SCAMP1: variants seen among roughly 807,000 people sequenced by gnomAD.
SCAMP1 encodes secretory carrier membrane protein 1.
In SCAMP1, 15 loss-of-function variants were observed where a neutral mutation model predicts 41.8. That is an observed-to-expected ratio of 0.36 (90% CI 0.24 to 0.55). The LOEUF is 0.55. SCAMP1 is among the 20% of genes least tolerant of loss of function. The pLI, the probability that SCAMP1 is intolerant of heterozygous loss-of-function variation, is 0.86. For missense variants in SCAMP1, 341 were observed against 412.6 expected (o/e 0.83, Z 1.50); for synonymous variants, 135 against 136.8 (o/e 0.99, Z 0.09).
intron 2 of SCAMP1, among the ~76,000 whole-genome samples, chr5:78,413,755 G>A (rs1752140666): frequency 6.6e-6 from 1 of 152,140 alleles, no homozygotes; most frequent in Non-Finnish European, 1.5e-5. Flanking sequence ...AGAATCAGCT[G>A]AACTACAGTT....
At chr5:78,465,371 T>C (rs1753719885) in intron 8 of SCAMP1, among the ~76,000 whole-genome samples, 1 of 152,226 alleles carries the variant, frequency 6.6e-6, no homozygotes, top group Admixed American at 6.5e-5. Flanking sequence ...GACAGACTTC[T>C]GTAACCACTC....
rs150237993 is a variant in SCAMP1, at chr5:78,368,384, C to T, written c.57+7656C>T. Among the ~76,000 whole-genome samples the T allele has an allele frequency of 1.4e-4, 22 of 152,210 alleles. 1 individual carries two copies. Among genetic ancestry groups the T allele is most frequent in the South Asian group, 6.2e-4 (3 of 4,824 alleles). On this transcript the variant is annotated intron_variant, in intron 1 of 8. Transcript: ENST00000621999. ...GAGATGATGGTGATTATGAAAATTT[C>T]GAAAGTAAACTGTTCTTGTGCTGAT...
In SCAMP1 at chr5:78,479,301, G is replaced by A. The variant is rs1754076986; in HGVS notation, c.*3633G>A. ...ATTGGTTAATTTTAAAAAAATTGAG[G>A]ATGGTTAAAAAATAGAAAACACCTT... is the stretch of plus-strand genomic sequence containing the variant. On this transcript the variant is annotated 3_prime_UTR_variant, in exon 9 of 9. Coordinates refer to ENST00000621999, the MANE Select transcript of SCAMP1 (RefSeq NM_004866.6). Among the ~76,000 whole-genome samples the A allele has an allele frequency of 6.6e-6, 1 of 152,104 alleles. No individual in the cohort carries two copies. The highest frequency in any genetic ancestry group is 2.4e-5 in the African/African-American group (1 of 41,412).
chr5:78,451,714 G>A (rs564053693), intron 7 of SCAMP1, among the ~76,000 whole-genome samples: 18 of 152,150 alleles, frequency 1.2e-4, no homozygotes, highest in Non-Finnish European at 2.4e-4. Flanking sequence ...CTGGAGTGCC[G>A]TGGCATGATC....
At chr5:78,405,289 C>G (rs114797227) in intron 2 of SCAMP1, among the ~76,000 whole-genome samples, 135 of 152,224 alleles carry the variant, frequency 8.9e-4, no homozygotes, top group African/African-American at 3.0e-3. Flanking sequence ...AGCCTTTAAT[C>G]TGATCCCTAA....
rs1010773152 is a variant in SCAMP1, at chr5:78,479,222, G to A, written c.*3554G>A. Among the ~76,000 whole-genome samples the A allele has an allele frequency of 6.6e-6, 1 of 152,102 alleles. No individual in the cohort carries two copies. The highest frequency in any genetic ancestry group is 1.5e-5 in the Non-Finnish European group (1 of 67,994). ...CTTTCAGTTTTTCCTTAAGGAAAATGTTTAGAGGAATTTGTTCATTTCATG... is the reference window on the plus strand; with the variant it reads ...CTTTCAGTTTTTCCTTAAGGAAAATATTTAGAGGAATTTGTTCATTTCATG... On this transcript the variant is annotated 3_prime_UTR_variant, in exon 9 of 9. Transcript: ENST00000621999.
intron 1 of SCAMP1, among the ~76,000 whole-genome samples, chr5:78,382,776 G>GGTGTGTGTGT (rs61523492): frequency 5.6e-4 from 73 of 130,340 alleles, no homozygotes; most frequent in South Asian, 3.1e-3. Context: ...AGTATTCCAT[G>GGTGTGTGTGT]GTGTGTGTGT....
intron 6 of SCAMP1, among the ~76,000 whole-genome samples, chr5:78,442,094 A>T (rs1486544402): frequency 1.3e-5 from 2 of 152,142 alleles, no homozygotes; most frequent in Non-Finnish European, 2.9e-5. Flanking sequence ...ATGCTGCTGC[A>T]CTCTAGACTG....
intron 1 of SCAMP1, among the ~76,000 whole-genome samples, chr5:78,363,192 A>G (rs1001023365): frequency 7.4e-6 from 1 of 134,926 alleles, no homozygotes; most frequent in African/African-American, 2.8e-5. Flanking sequence ...GCGTTCAAGC[A>G]GATCGTTTTT....
intron 6 of SCAMP1, among the ~76,000 whole-genome samples, chr5:78,434,840 A>T (rs1451645196): frequency 1.3e-5 from 2 of 152,248 alleles, no homozygotes; most frequent in East Asian, 3.8e-4. Context: ...TTTGAGGTTT[A>T]TAATAAGTAT....
At chr5:78,409,918 A>G (rs552271233) in intron 2 of SCAMP1, among the ~76,000 whole-genome samples, 2 of 152,184 alleles carry the variant, frequency 1.3e-5, no homozygotes, top group Non-Finnish European at 2.9e-5. Flanking sequence ...ACTTTGCCAG[A>G]CATTTTATTA....
chr5:78,369,961 C>T (rs907579449), intron 1 of SCAMP1, among the ~76,000 whole-genome samples: 2 of 152,244 alleles, frequency 1.3e-5, no homozygotes, highest in Non-Finnish European at 2.9e-5. Flanking sequence ...TAGCAGTTAT[C>T]TCACTAGGCT....
chr5:78,450,364 G>A (rs1002589282), intron 7 of SCAMP1, among the ~76,000 whole-genome samples: 3 of 152,116 alleles, frequency 2.0e-5, no homozygotes, highest in South Asian at 2.1e-4. Flanking sequence ...ACAGGAAAGA[G>A]CTTCAGGGAT....
At chr5:78,467,064 G>T (rs1753767088) in intron 8 of SCAMP1, among the ~76,000 whole-genome samples, 2 of 152,146 alleles carry the variant, frequency 1.3e-5, no homozygotes, top group African/African-American at 4.8e-5. Flanking sequence ...TGAATTTGGG[G>T]AGTTTAAATT....
In SCAMP1 at chr5:78,390,966, G is replaced by A. The variant is rs1156532048; in HGVS notation, c.135+2052G>A. Among the ~76,000 whole-genome samples, 3 of 149,860 alleles carry A rather than the reference G, an allele frequency of 2.0e-5. No individual in the cohort carries two copies. In the South Asian group the frequency reaches 6.4e-4, roughly 32 times the overall value. On this transcript the variant is annotated intron_variant, in intron 2 of 8. Coordinates refer to ENST00000621999, the MANE Select transcript of SCAMP1 (RefSeq NM_004866.6). Reference sequence around the variant, plus strand: ...ACATGTTTCAGAGAGCACAGGGTTGGGGGTAAGGTCACAGATCAACAGGAT... The same window carrying A: ...ACATGTTTCAGAGAGCACAGGGTTGAGGGTAAGGTCACAGATCAACAGGAT...
At chr5:78,463,986 T>C (rs1753679128) in intron 8 of SCAMP1, among the ~76,000 whole-genome samples, 1 of 152,126 alleles carries the variant, frequency 6.6e-6, no homozygotes, top group Non-Finnish European at 1.5e-5. Flanking sequence ...AGTGCTTCCA[T>C]TACTTCTTTT....
chr5:78,412,618 A>C lies in SCAMP1; in HGVS notation c.136-2902A>C, dbSNP rs141363615. ...TTGTCAGAGTTTGTTTTTCTATCTC[A>C]TGGTTTTGAAATGATATATGATTGT... On this transcript the variant is annotated intron_variant, in intron 2 of 8. Coordinates refer to ENST00000621999, the MANE Select transcript of SCAMP1 (RefSeq NM_004866.6). 3.9e-4 allele frequency among the ~76,000 whole-genome samples: 60 copies of C among 152,176 alleles called. 1 individual carries two copies. Among genetic ancestry groups the C allele is most frequent in the African/African-American group, 1.4e-3 (58 of 41,544 alleles).
At chr5:78,471,114 G>A (rs1314255588) in intron 8 of SCAMP1, among the ~76,000 whole-genome samples, 1 of 152,106 alleles carries the variant, frequency 6.6e-6, no homozygotes, top group East Asian at 1.9e-4. Context: ...TTGCCCTTAG[G>A]CAAGTAAAAG....
chr5:78,477,055 A>G lies in SCAMP1; in HGVS notation c.*1387A>G, dbSNP rs534964310. On this transcript the variant is annotated 3_prime_UTR_variant, in exon 9 of 9. Transcript: ENST00000621999. ...AGAATGATAGTGATTATTCAATTAG[A>G]TTTTAAGTAAGGATTGTGATATTAG... 1 of 152,264 alleles carries G rather than the reference A, an allele frequency of 6.6e-6. No individual in the cohort carries two copies. Among genetic ancestry groups the G allele is most frequent in the South Asian group, 2.1e-4 (1 of 4,822 alleles). 9.4% of individuals were successfully genotyped at this position (152,264 alleles called of 1,614,324 possible). A position where few individuals can be genotyped will look rare whatever the true frequency, so the allele number is the denominator to read the frequency against.
Sources: gnomAD v4.1 joint callset for allele counts (sites outside exome capture counted in the v4.1 genomes callset) on GRCh38, gnomAD v4.1.1 for gene constraint, MANE v1.5 for transcripts, NCBI Gene and HGNC (gene_info 2026-07-23, HGNC 2026-07-21) for gene names.